The following DENND4A variants were observed in gnomAD, a reference collection of about 807,000 sequenced individuals.
DENND4A encodes the protein C-myc promoter-binding protein.
In DENND4A, 70 loss-of-function variants were observed where a neutral mutation model predicts 199.3. That is an observed-to-expected ratio of 0.35 (90% CI 0.29 to 0.43). The LOEUF is 0.43. Among genes scored for constraint, DENND4A ranks in the 20% least tolerant of loss-of-function variants. The pLI, the probability that DENND4A is intolerant of heterozygous loss-of-function variation, is 1.00. For synonymous variants in DENND4A, 686 were observed against 766.9 expected (o/e 0.89, Z 1.74); for missense variants, 1,723 against 2,255.8 (o/e 0.76, Z 4.78).
intron 23 of DENND4A, among the ~76,000 whole-genome samples, chr15:65,678,207 C>T (rs1333491199): frequency 1.3e-5 from 2 of 152,096 alleles, no homozygotes; most frequent in East Asian, 1.9e-4. Flanking sequence ...GGATTACAGG[C>T]GTGAGCCACA....
chr15:65,770,911 C>T (rs2077108643), intron 1 of DENND4A, among the ~76,000 whole-genome samples: 1 of 152,096 alleles, frequency 6.6e-6, no homozygotes, highest in Non-Finnish European at 1.5e-5. Flanking sequence ...TGTGATAATC[C>T]TTTCTCAAGA....
chr15:65,699,673 A>T (rs888757445), intron 20 of DENND4A, among the ~76,000 whole-genome samples: 1 of 147,768 alleles, frequency 6.8e-6, no homozygotes, highest in Non-Finnish European at 1.5e-5. Flanking sequence ...ATATTATTTT[A>T]TATATATATA....
intron 23 of DENND4A, among the ~76,000 whole-genome samples, chr15:65,679,251 G>A (rs2076489162): frequency 6.6e-6 from 1 of 151,662 alleles, no homozygotes; most frequent in African/African-American, 2.4e-5. Flanking sequence ...ACAGGTGCAT[G>A]CCACCACGCC....
At position 65,729,693 on chromosome 15, in the gene DENND4A, A is replaced by G. The variant is rs1327183526; in HGVS notation, c.1167-15T>C. 10 of 1,539,004 alleles carry G rather than the reference A, an allele frequency of 6.5e-6. No individual in the cohort carries two copies. The East Asian group carries it at 2.5e-4, about 38-fold the overall frequency. On this transcript the variant is annotated splice_polypyrimidine_tract_variant and intron_variant, in intron 9 of 32. Transcript: ENST00000443035. ...ACTTGCCACCACTGTCAATCCAAACAAAAATATATAATTAAAAAATAATGA... is the reference window on the plus strand; with the variant it reads ...ACTTGCCACCACTGTCAATCCAAACGAAAATATATAATTAAAAAATAATGA...
intron 1 of DENND4A, among the ~76,000 whole-genome samples, chr15:65,763,777 G>C (rs1243591097): frequency 3.3e-5 from 5 of 151,330 alleles, no homozygotes; most frequent in Non-Finnish European, 7.4e-5. Flanking sequence ...ATTACCTTTT[G>C]AACTGCTAAA....
chr15:65,755,310 G>C (rs28654378), intron 3 of DENND4A, among the ~76,000 whole-genome samples: 30,150 of 152,110 alleles, frequency 0.2, 4,020 homozygotes, highest in East Asian at 0.73. Flanking sequence ...ATTTATTGTG[G>C]TGATGGTTGC....
At chr15:65,766,371 A>G (rs1408388329) in intron 1 of DENND4A, 1 of 152,226 alleles carries the variant, frequency 6.6e-6, no homozygotes, top group Non-Finnish European at 1.5e-5. Context: ...ATACTTGAAC[A>G]TAATTAAACA....
chr15:65,740,764 C>A (rs1489259602), intron 5 of DENND4A, among the ~76,000 whole-genome samples: 2 of 151,734 alleles, frequency 1.3e-5, no homozygotes, highest in Non-Finnish European at 2.9e-5. Context: ...AGTTTAAGAC[C>A]AACCTGGGCA....
Position 65,667,960 on chromosome 15 carries a change from T to C in DENND4A, c.4951A>G (p.Thr1651Ala). ...EDTGRQKLIS[T>A]GSLPATLQGA... is the part of the protein sequence containing the mutation. The stretch of plus-strand genomic sequence containing the variant: ...TGTAAAGTAGCTGGCAGGCTGCCTG[T>C]AGAAATGAGCTTCTGTCTTCCAGTA... The change falls in exon 28 of 33, where the codon ACA becomes GCA. Residue 1651 changes from threonine to alanine, a missense_variant. Coordinates refer to ENST00000443035, the MANE Select transcript of DENND4A (RefSeq NM_001320835.1). 3.1e-6 allele frequency: 5 copies of C among 1,610,330 alleles called. No homozygotes were observed. Among genetic ancestry groups the C allele is most frequent in the Non-Finnish European group, 3.4e-6 (4 of 1,179,102 alleles).
chr15:65,687,807 C>T (rs2076842229), intron 23 of DENND4A, among the ~76,000 whole-genome samples: 1 of 151,806 alleles, frequency 6.6e-6, no homozygotes, highest in Non-Finnish European at 1.5e-5. Context: ...TTTTAGCAGC[C>T]GTTTTCTTGT....
chr15:65,750,225 T>C (rs1473606753), intron 4 of DENND4A, among the ~76,000 whole-genome samples: 1 of 152,204 alleles, frequency 6.6e-6, no homozygotes, highest in Non-Finnish European at 1.5e-5. Context: ...AGCAAACTAA[T>C]GCAGAAACAG....
At chr15:65,703,935 AAG>A (rs1330989087) in intron 15 of DENND4A, among the ~76,000 whole-genome samples, 1 of 152,240 alleles carries the variant, frequency 6.6e-6, no homozygotes, top group East Asian at 1.9e-4. Context: ...TAACCTGTTT[AAG>A]AATACTATGT....
chr15:65,679,685 C>T (rs1159824754), intron 23 of DENND4A, among the ~76,000 whole-genome samples: 1 of 151,934 alleles, frequency 6.6e-6, no homozygotes, highest in East Asian at 1.9e-4. Flanking sequence ...CATGCACCAC[C>T]ACACCTGGCT....
chr15:65,729,296 C>G (rs951785774), intron 10 of DENND4A, 49 bp from the exon 11 acceptor site: 2 of 1,527,872 alleles, frequency 1.3e-6, no homozygotes, highest in African/African-American at 2.8e-5. Context: ...AACACTGAAG[C>G]ATAATTTATC....
chr15:65,663,217 T>TTTTTTTTTTA (rs1566978904), intron 32 of DENND4A, among the ~76,000 whole-genome samples: 3 of 145,200 alleles, frequency 2.1e-5, no homozygotes, highest in African/African-American at 7.7e-5. Context: ...TTTTTATTTT[T>TTTTTTTTTTA]TTTTTTGGTT....
rs116111538 is a variant in DENND4A, at chr15:65,761,149, T to C, written c.-23+211A>G. Among the ~76,000 whole-genome samples the C allele has an allele frequency of 2.6e-3, 390 of 152,310 alleles. 1 individual carries two copies. The highest frequency in any genetic ancestry group is 9.0e-3 in the African/African-American group (376 of 41,570). The stretch of plus-strand genomic sequence containing the variant: ...CGTATACTTCACATTGAAGATTTTG[T>C]CTCTAATAAATGGTGTTGAATTAAT... On this transcript the variant is annotated intron_variant, in intron 2 of 32. Coordinates refer to ENST00000443035, the MANE Select transcript of DENND4A (RefSeq NM_001320835.1).
chr15:65,706,495 C>CACAT (rs1491116316), intron 14 of DENND4A, among the ~76,000 whole-genome samples: 41 of 88,344 alleles, frequency 4.6e-4, no homozygotes, highest in Non-Finnish European at 7.7e-4. Flanking sequence ...CACACACACA[C>CACAT]ATATATATAT....
intron 4 of DENND4A, among the ~76,000 whole-genome samples, chr15:65,742,829 G>T (rs1346579438): frequency 6.6e-6 from 1 of 152,072 alleles, no homozygotes; most frequent in Non-Finnish European, 1.5e-5. Context: ...TGAGGGTAGG[G>T]ATTTTGTTTT....
Position 65,738,786 on chromosome 15 carries a change from T to C in DENND4A, c.721A>G (p.Ile241Val), listed in dbSNP as rs1452037858. Residue 241 changes from isoleucine to valine, a missense_variant, in exon 6 of 33, where the codon ATT (isoleucine) becomes GTT (valine). This residue lies in a region of DENND4A where 725 missense variants were observed against 952.9 expected (regional missense o/e 0.76). Transcript: ENST00000443035. Reference sequence around the variant, plus strand: ...TTGCTATTTGATGGCCAACATTCAATGGTTGCACCCATTGGTAAACAAAAT... The same window carrying C: ...TTGCTATTTGATGGCCAACATTCAACGGTTGCACCCATTGGTAAACAAAAT... ...PLFCLPMGATIECWPSNSKYP... is the reference protein window; with the variant it reads ...PLFCLPMGATVECWPSNSKYP... The C allele has an allele frequency of 3.1e-6, 5 of 1,612,540 alleles. No individual in the cohort carries two copies. Among genetic ancestry groups the C allele is most frequent in the African/African-American group, 2.7e-5 (2 of 74,890 alleles).
Sources: gnomAD v4.1 joint callset for allele counts (sites outside exome capture counted in the v4.1 genomes callset) on GRCh38, gnomAD v4.1.1 for gene constraint, gnomAD v4.1.1 regional missense constraint, MANE v1.5 for transcripts, NCBI Gene and HGNC (gene_info 2026-07-23, HGNC 2026-07-21) for gene names.